Variants in CTNNBL1 observed in about 807,000 individuals in gnomAD.
CTNNBL1 encodes the protein catenin beta like 1, also known as beta-catenin-like protein 1.
CTNNBL1 carries 31 observed loss-of-function variants against 72.7 expected under a neutral mutation model. The observed-to-expected ratio is 0.43, with a 90% CI of 0.32 to 0.58. CTNNBL1 has a LOEUF of 0.58. CTNNBL1 is among the 20% of genes least tolerant of loss of function. The pLI, the probability that CTNNBL1 is intolerant of heterozygous loss-of-function variation, is 0.08. For synonymous variants in CTNNBL1, 240 were observed against 267.3 expected (o/e 0.90, Z 1.00); for missense variants, 534 against 725.1 (o/e 0.74, Z 3.03).
intron 11 of CTNNBL1, among the ~76,000 whole-genome samples, chr20:37,831,535 T>G (rs1345222334): frequency 6.6e-6 from 1 of 152,022 alleles, no homozygotes; most frequent in Non-Finnish European, 1.5e-5. Context: ...CCAGCTAATT[T>G]TTTGTATTTT....
At chr20:37,756,744 C>T in intron 4 of CTNNBL1, among the ~76,000 whole-genome samples, 1 of 150,660 alleles carries the variant, frequency 6.6e-6, no homozygotes, top group East Asian at 1.9e-4. Flanking sequence ...CTCAAGCAAG[C>T]CTCCCACCTT....
At chr20:37,804,731 C>T (rs2071937728) in intron 11 of CTNNBL1, among the ~76,000 whole-genome samples, 1 of 152,206 alleles carries the variant, frequency 6.6e-6, no homozygotes, top group Admixed American at 6.5e-5. Flanking sequence ...AGGAAAACAG[C>T]CCTTAGCAGG....
chr20:37,750,368 G>C (rs1278465125), intron 4 of CTNNBL1: 1 of 152,194 alleles, frequency 6.6e-6, no homozygotes, highest in African/African-American at 2.4e-5. Flanking sequence ...TCTAAATGCA[G>C]TCGGAGGCAG....
intron 1 of CTNNBL1, among the ~76,000 whole-genome samples, chr20:37,724,247 T>A (rs1397424640): frequency 6.6e-6 from 1 of 152,230 alleles, no homozygotes; most frequent in Non-Finnish European, 1.5e-5. Context: ...AATGTAATTA[T>A]GTGTATACCC....
chr20:37,757,900 ATTC>A (rs1198041368), intron 5 of CTNNBL1, among the ~76,000 whole-genome samples: 2 of 152,132 alleles, frequency 1.3e-5, no homozygotes, highest in African/African-American at 4.8e-5. Context: ...GCCATTTCTC[ATTC>A]TTCTCACCAC....
At chr20:37,768,469 G>A (rs1373392586) in intron 7 of CTNNBL1, among the ~76,000 whole-genome samples, 1 of 152,056 alleles carries the variant, frequency 6.6e-6, no homozygotes, top group East Asian at 1.9e-4. Context: ...ACTAATTATT[G>A]CCTAGTTAGT....
intron 13 of CTNNBL1, among the ~76,000 whole-genome samples, chr20:37,857,408 A>C (rs1036524575): frequency 6.6e-6 from 1 of 152,114 alleles, no homozygotes; most frequent in African/African-American, 2.4e-5. Context: ...CACACATCCA[A>C]CACCCCCCAG....
intron 9 of CTNNBL1, among the ~76,000 whole-genome samples, chr20:37,778,980 G>A (rs1272112985): frequency 2.0e-5 from 3 of 151,576 alleles, no homozygotes; most frequent in African/African-American, 7.3e-5. Flanking sequence ...GGTCAGTAGA[G>A]TGTTTTGGCT....
intron 3 of CTNNBL1, among the ~76,000 whole-genome samples, chr20:37,738,630 A>G (rs954386836): frequency 2.0e-5 from 3 of 152,218 alleles, no homozygotes; most frequent in Non-Finnish European, 4.4e-5. Flanking sequence ...TCAAGTTTTT[A>G]GGTTACTAGG....
chr20:37,854,960 G>C (rs1170085782), intron 13 of CTNNBL1, among the ~76,000 whole-genome samples: 1 of 152,096 alleles, frequency 6.6e-6, no homozygotes, highest in African/African-American at 2.4e-5. Flanking sequence ...CTGACACATA[G>C]TAAGTCCCCA....
At chr20:37,839,282 A>C (rs2072280598) in intron 11 of CTNNBL1, among the ~76,000 whole-genome samples, 1 of 152,224 alleles carries the variant, frequency 6.6e-6, no homozygotes, top group Non-Finnish European at 1.5e-5. Context: ...GAAGATGCTC[A>C]TCAGTTTTCA....
At position 37,824,936 on chromosome 20, in the gene CTNNBL1, A is replaced by G. The variant is rs541304530; in HGVS notation, c.1214-15166A>G. On this transcript the variant is annotated intron_variant, in intron 11 of 15. Coordinates refer to ENST00000361383, the MANE Select transcript of CTNNBL1 (RefSeq NM_030877.5). ...CCGGGAAGTCCCAAATACCAGTTCA[A>G]CCCGAATCTCTGACCTGACATTAAT... 3.3e-5 allele frequency among the ~76,000 whole-genome samples: 5 copies of G among 152,328 alleles called. No individual in the cohort carries two copies. The East Asian group carries it at 5.8e-4, about 18-fold the overall frequency.
intron 1 of CTNNBL1, among the ~76,000 whole-genome samples, chr20:37,710,269 C>T (rs1290913841): frequency 2.0e-5 from 3 of 152,114 alleles, no homozygotes; most frequent in Non-Finnish European, 2.9e-5. Flanking sequence ...AGTTCTTGTG[C>T]CTACTTTGTG....
intron 10 of CTNNBL1, among the ~76,000 whole-genome samples, chr20:37,792,304 T>G (rs1287826230): frequency 2.0e-5 from 3 of 152,138 alleles, no homozygotes; most frequent in African/African-American, 7.2e-5. Flanking sequence ...TCAGTATTTT[T>G]TTTCCCTCTC....
chr20:37,812,408 T>C (rs1600503647), intron 11 of CTNNBL1, among the ~76,000 whole-genome samples: 1 of 152,116 alleles, frequency 6.6e-6, no homozygotes, highest in African/African-American at 2.4e-5. Context: ...ATAGGCTGGG[T>C]CATAACAGGA....
At chr20:37,697,824 A>G (rs1239557854) in intron 1 of CTNNBL1, among the ~76,000 whole-genome samples, 1 of 152,236 alleles carries the variant, frequency 6.6e-6, no homozygotes, top group African/African-American at 2.4e-5. Flanking sequence ...TTTAAAGATG[A>G]GGGAATAGGT....
intron 11 of CTNNBL1, among the ~76,000 whole-genome samples, chr20:37,818,344 C>T (rs2072077301): frequency 6.6e-6 from 1 of 152,184 alleles, no homozygotes. Context: ...TTCCAGTCAA[C>T]TTTGGGAGAT....
intron 13 of CTNNBL1, among the ~76,000 whole-genome samples, chr20:37,850,201 T>A (rs1288531814): frequency 1.3e-5 from 2 of 152,220 alleles, no homozygotes; most frequent in Non-Finnish European, 2.9e-5. Context: ...AGTCTGTTTT[T>A]TTTTTAGCGG....
At chr20:37,699,508 C>G (rs1023343331) in intron 1 of CTNNBL1, among the ~76,000 whole-genome samples, 1 of 152,356 alleles carries the variant, frequency 6.6e-6, no homozygotes, top group East Asian at 1.9e-4. Flanking sequence ...ACCAGCTGAA[C>G]ACTCAGAGGT....
Sources: gnomAD v4.1 joint callset for allele counts (sites outside exome capture counted in the v4.1 genomes callset) on GRCh38, gnomAD v4.1.1 for gene constraint, MANE v1.5 for transcripts, NCBI Gene and HGNC (gene_info 2026-07-23, HGNC 2026-07-21) for gene names.